Variants in NKAIN2 observed in about 807,000 individuals in gnomAD.
The protein encoded by NKAIN2 is sodium/potassium-transporting ATPase subunit beta-1-interacting protein 2.
A neutral mutation model predicts 32.6 loss-of-function variants in NKAIN2; 14 were observed. The observed-to-expected ratio is 0.43, with a 90% CI of 0.28 to 0.67. NKAIN2 has a LOEUF of 0.67. Among genes scored for constraint, NKAIN2 ranks in the 30% least tolerant of loss-of-function variants. The pLI is 0.17. For synonymous variants in NKAIN2, 80 were observed against 87.2 expected, an observed-to-expected ratio of 0.92 and a Z score of 0.46; for missense variants, 198 against 258.3, an observed-to-expected ratio of 0.77 and a Z score of 1.60.
At chr6:124,274,324 T>C (rs542441302) in intron 1 of NKAIN2, among the ~76,000 whole-genome samples, 1 of 152,186 alleles carries the variant, frequency 6.6e-6, no homozygotes, top group Non-Finnish European at 1.5e-5. Context: ...ATCATAGTGA[T>C]TATAGGAATT....
intron 3 of NKAIN2, among the ~76,000 whole-genome samples, chr6:124,455,962 G>A (rs1776305281): frequency 1.3e-5 from 2 of 151,822 alleles, no homozygotes; most frequent in African/African-American, 2.4e-5. Flanking sequence ...TCCCACAGGA[G>A]TCACTATTTT....
At chr6:124,031,630 A>G (rs1243071999) in intron 1 of NKAIN2, among the ~76,000 whole-genome samples, 1 of 152,158 alleles carries the variant, frequency 6.6e-6, no homozygotes, top group Non-Finnish European at 1.5e-5. Flanking sequence ...CACTGGTTTC[A>G]AAGAACATCT....
At chr6:124,088,480 A>G (rs1286623946) in intron 1 of NKAIN2, among the ~76,000 whole-genome samples, 2 of 152,002 alleles carry the variant, frequency 1.3e-5, no homozygotes, top group Admixed American at 6.6e-5. Flanking sequence ...CATTTATCTT[A>G]GAGGTGTCTT....
chr6:124,267,148 G>A (rs1019799865), intron 1 of NKAIN2, among the ~76,000 whole-genome samples: 3 of 151,590 alleles, frequency 2.0e-5, no homozygotes, highest in Non-Finnish European at 4.4e-5. Context: ...GAAGAACAGT[G>A]CAGCTCTAGA....
intron 3 of NKAIN2, among the ~76,000 whole-genome samples, chr6:124,518,081 A>G (rs985463711): frequency 4.6e-5 from 7 of 152,082 alleles, no homozygotes; most frequent in African/African-American, 1.7e-4. Flanking sequence ...ATTTCTTTCA[A>G]AAATTTTTAT....
chr6:124,269,057 GTTGAAATGCT>G (rs1251183186), intron 1 of NKAIN2, among the ~76,000 whole-genome samples: 7 of 152,188 alleles, frequency 4.6e-5, no homozygotes, highest in African/African-American at 1.7e-4. Flanking sequence ...AAATTTAGCA[GTTGAAATGCT>G]TTGAATTTTC....
chr6:123,889,154 A>G (rs1368837667), intron 1 of NKAIN2, among the ~76,000 whole-genome samples: 10 of 152,134 alleles, frequency 6.6e-5, no homozygotes, highest in Admixed American at 6.6e-4. Flanking sequence ...TAGAAGAGTC[A>G]TTTATATCTC....
intron 3 of NKAIN2, among the ~76,000 whole-genome samples, chr6:124,611,705 CTG>C (rs375167397): frequency 6.6e-6 from 1 of 151,908 alleles, no homozygotes; most frequent in Non-Finnish European, 1.5e-5. Flanking sequence ...ATAGTTGTTA[CTG>C]TGTGTGTGTG....
intron 2 of NKAIN2, among the ~76,000 whole-genome samples, chr6:124,338,127 A>G (rs1235634207): frequency 1.3e-5 from 2 of 152,200 alleles, no homozygotes; most frequent in Admixed American, 6.5e-5. Context: ...ACATCAGTTA[A>G]TAAGAATCAC....
intron 3 of NKAIN2, among the ~76,000 whole-genome samples, chr6:124,596,963 G>C (rs1420832495): frequency 6.6e-6 from 1 of 152,028 alleles, no homozygotes; most frequent in Admixed American, 6.6e-5. Flanking sequence ...GAAGACCGAT[G>C]TCCCAACTTC....
rs184526817 is a variant in NKAIN2, at chr6:124,586,090, A to C, written c.274-72096A>C. ...ATAGAAGATTTCCATCGCCTGCCCC[A>C]AAATTCCCCTGTATCTCTTTGTCAA... On this transcript the variant is annotated intron_variant, in intron 3 of 6. Transcript: ENST00000368417. 5.1e-3 allele frequency among the ~76,000 whole-genome samples: 774 copies of C among 152,316 alleles called. 5 individuals carry two copies. Among genetic ancestry groups the C allele is most frequent in the African/African-American group, 0.016 (684 of 41,566 alleles).
chr6:123,885,781 TCTTA>T (rs1450703674), intron 1 of NKAIN2, among the ~76,000 whole-genome samples: 2 of 151,992 alleles, frequency 1.3e-5, no homozygotes, highest in African/African-American at 4.8e-5. Flanking sequence ...CACCATTGCC[TCTTA>T]CTTAGTATGA....
intron 5 of NKAIN2, among the ~76,000 whole-genome samples, chr6:124,805,214 C>G (rs1780479305): frequency 6.6e-6 from 1 of 152,212 alleles, no homozygotes; most frequent in Non-Finnish European, 1.5e-5. Flanking sequence ...CCCCTGACCC[C>G]TGAGCAGCCT....
chr6:124,481,306 C>G (rs1777440365), intron 3 of NKAIN2, among the ~76,000 whole-genome samples: 1 of 151,678 alleles, frequency 6.6e-6, no homozygotes, highest in African/African-American at 2.4e-5. Context: ...CTGGTAATAC[C>G]CTTGGGTCCC....
intron 1 of NKAIN2, among the ~76,000 whole-genome samples, chr6:124,236,807 A>T (rs2114756176): frequency 6.6e-6 from 1 of 152,238 alleles, no homozygotes; most frequent in South Asian, 2.1e-4. Context: ...AAGAAGAAAA[A>T]CCTGTCTTTA....
Position 124,558,494 on chromosome 6 carries a change from C to T in NKAIN2, c.274-99692C>T, listed in dbSNP as rs1260790858. Among the ~76,000 whole-genome samples, 10 of 152,100 alleles carry T rather than the reference C, an allele frequency of 6.6e-5. No homozygotes were observed. The East Asian group carries it at 1.9e-3, about 29-fold the overall frequency. On this transcript the variant is annotated intron_variant, in intron 3 of 6. Coordinates refer to ENST00000368417, the MANE Select transcript of NKAIN2 (RefSeq NM_001040214.3). The stretch of plus-strand genomic sequence containing the variant: ...TTTCTATAAAACCAGGAAGGGTTTA[C>T]TTTGATTGTAATTTATGTTGATAAG...
At position 124,742,489 on chromosome 6, in the gene NKAIN2, G is replaced by A. The variant is rs370570873; in HGVS notation, c.475-48850G>A. On this transcript the variant is annotated intron_variant, in intron 4 of 6. Transcript: ENST00000368417. The stretch of plus-strand genomic sequence containing the variant: ...TATCACCCCCCACCCCAGATTCTCA[G>A]GACTCAGACTGAATGACATCACTGG... Among the ~76,000 whole-genome samples, 9 of 151,856 alleles carry A rather than the reference G, an allele frequency of 5.9e-5. No homozygotes were observed. In the East Asian group the frequency reaches 1.2e-3, roughly 20 times the overall value.
At chr6:124,222,998 G>T (rs941440017) in intron 1 of NKAIN2, among the ~76,000 whole-genome samples, 2 of 151,986 alleles carry the variant, frequency 1.3e-5, no homozygotes, top group African/African-American at 4.8e-5. Context: ...CAGATCACAA[G>T]GTCAGGAGTT....
intron 4 of NKAIN2, among the ~76,000 whole-genome samples, chr6:124,700,381 G>A (rs1324465563): frequency 6.6e-6 from 1 of 152,132 alleles, no homozygotes; most frequent in African/African-American, 2.4e-5. Context: ...AACTCAAAGT[G>A]TTGAGTTACA....
Sources: gnomAD v4.1 joint callset for allele counts (sites outside exome capture counted in the v4.1 genomes callset) on GRCh38, gnomAD v4.1.1 for gene constraint, MANE v1.5 for transcripts, NCBI Gene and HGNC (gene_info 2026-07-23, HGNC 2026-07-21) for gene names.